TBCD: variants seen among roughly 807,000 people sequenced by gnomAD.
TBCD encodes tubulin-specific chaperone D.
TBCD carries 105 observed loss-of-function variants against 169.3 expected under a neutral mutation model. The ratio of observed to expected loss-of-function variants is 0.62; its 90% CI spans 0.53 to 0.73. The LOEUF is 0.73. Ranked by LOEUF, TBCD falls within the 30% of genes least tolerant of loss-of-function variation. TBCD has a pLI of 0.00. For synonymous variants in TBCD, 700 were observed against 643.9 expected (o/e 1.09, Z -1.32); for missense variants, 1,444 against 1,600.1 (o/e 0.90, Z 1.66).
rs2053614535 is a variant in TBCD, at chr17:82,832,578, G to C, written c.1318+17644G>C. 4 of 852,478 alleles carry C rather than the reference G, an allele frequency of 4.7e-6. No individual in the cohort carries two copies. The highest frequency in any genetic ancestry group is 3.0e-4 in the Middle Eastern group (1 of 3,324). 52.8% of individuals were successfully genotyped at this position (852,478 alleles called of 1,614,324 possible). A position where few individuals can be genotyped will look rare whatever the true frequency, so the allele number is the denominator to read the frequency against. On this transcript the variant is annotated intron_variant, in intron 13 of 38. Transcript: ENST00000355528. The surrounding 1 kb of genome is among the most constrained non-coding windows in gnomAD (Gnocchi z 4.9). ...CTTTCTTTCCCGATCACTTCTATCAGAAGCCAGCTCTGCGTGCTGAGGGTC... is the reference window on the plus strand; with the variant it reads ...CTTTCTTTCCCGATCACTTCTATCACAAGCCAGCTCTGCGTGCTGAGGGTC...
chr17:82,877,867 G>A (rs2058077898), intron 14 of TBCD, among the ~76,000 whole-genome samples: 2 of 152,180 alleles, frequency 1.3e-5, no homozygotes. Flanking sequence ...AAAATGGAGT[G>A]CTTTTCTGTT....
chr17:82,772,652 G>A (rs555628979), intron 6 of TBCD, 145 bp downstream of exon 6: 9 of 847,488 alleles, frequency 1.1e-5, no homozygotes, highest in Middle Eastern at 2.8e-4. Flanking sequence ...CTGAGGGAGT[G>A]TGCAGCAGTG....
intron 23 of TBCD, among the ~76,000 whole-genome samples, chr17:82,919,117 A>G (rs1262702658): frequency 1.5e-5 from 2 of 135,202 alleles, no homozygotes; most frequent in South Asian, 2.2e-4. Context: ...AGAAGTAAAG[A>G]GAAGTAGTTT....
rs1454823972 is a variant in TBCD, at chr17:82,805,910, T to G, written c.986T>G (p.Leu329Arg). Residue 329 changes from leucine to arginine, a missense_variant, in exon 10 of 39, where the codon CTG becomes CGG. Coordinates refer to ENST00000355528, the MANE Select transcript of TBCD (RefSeq NM_005993.5). ...QRGCRSLAAN[L>R]QLLTQGQSEQ... ...GGCTGCCGATCTTTGGCTGCAAATC[T>G]GCAGCTCCTCACTCAGGGTCAGAGT... 1.2e-6 allele frequency: 2 copies of G among 1,612,136 alleles called. No individual in the cohort carries two copies. Among genetic ancestry groups the G allele is most frequent in the East Asian group, 4.5e-5 (2 of 44,796 alleles).
chr17:82,879,000 A>G (rs1177503063), intron 14 of TBCD, among the ~76,000 whole-genome samples: 3 of 149,492 alleles, frequency 2.0e-5, no homozygotes, highest in Non-Finnish European at 4.4e-5. Context: ...TGTTGCTCAA[A>G]TTGCTCCAGC....
Position 82,837,600 on chromosome 17 carries a change from CT to C in TBCD, c.1318+22667del, listed in dbSNP as rs554465548. 8.5e-5 allele frequency among the ~76,000 whole-genome samples: 13 copies of C among 152,304 alleles called. No individual in the cohort carries two copies. In the East Asian group the frequency reaches 2.3e-3, roughly 27 times the overall value. ...TTCATTATCTGCTTTCATTTGAGAA[CT>C]GCAGTGCTAGCGTGTTTTACAGTGA... On this transcript the variant is annotated intron_variant, in intron 13 of 38. Coordinates refer to ENST00000355528, the MANE Select transcript of TBCD (RefSeq NM_005993.5).
At position 82,884,064 on chromosome 17, in the gene TBCD, GAA is replaced by G; in HGVS notation, c.1476-79_1476-78del. 7.1e-7 allele frequency: 1 copy of G among 1,401,996 alleles called. No individual in the cohort carries two copies. The highest frequency in any genetic ancestry group is 9.9e-7 in the Non-Finnish European group (1 of 1,014,400). 86.8% of individuals were successfully genotyped at this position (1,401,996 alleles called of 1,614,324 possible). A position where few individuals can be genotyped will look rare whatever the true frequency, so the allele number is the denominator to read the frequency against. The stretch of plus-strand genomic sequence containing the variant: ...CCTCAAGTGGGCCTGAGTCGTGAGA[GAA>G]AGGCTTTCTCATCGATACTGTGTGG... On this transcript the variant is annotated intron_variant, in intron 14 of 38. Transcript: ENST00000355528. The surrounding 1 kb of genome is among the most constrained non-coding windows in gnomAD (Gnocchi z 4.2).
At position 82,832,020 on chromosome 17, in the gene TBCD, G is replaced by A. The variant is rs1249241721; in HGVS notation, c.1318+17086G>A. ...CCAGAGCAGGCTGGGCACCGAGGGC[G>A]GCTTCCGGAGCTGGGCTCTTGCAGG... On this transcript the variant is annotated intron_variant, in intron 13 of 38. Transcript: ENST00000355528. This position sits in a 1 kb window ranked among gnomAD's most constrained non-coding sequence, Gnocchi z 4.9. The A allele has an allele frequency of 3.1e-6, 5 of 1,612,544 alleles. No individual in the cohort carries two copies. Among genetic ancestry groups the A allele is most frequent in the South Asian group, 2.2e-5 (2 of 91,072 alleles).
intron 17 of TBCD, among the ~76,000 whole-genome samples, chr17:82,900,193 C>G (rs899224610): frequency 1.3e-5 from 2 of 152,230 alleles, no homozygotes; most frequent in African/African-American, 4.8e-5. Context: ...TAATTCCCGC[C>G]TCGGTCCTCC....
At chr17:82,786,411 CG>C (rs996093662) in intron 7 of TBCD, among the ~76,000 whole-genome samples, 10 of 152,246 alleles carry the variant, frequency 6.6e-5, no homozygotes, top group African/African-American at 2.4e-4. Flanking sequence ...AGCCCTGCCC[CG>C]AGTGTGGGTG....
At chr17:82,852,250 G>T (rs1158297766) in intron 13 of TBCD, among the ~76,000 whole-genome samples, 1 of 151,582 alleles carries the variant, frequency 6.6e-6, no homozygotes, top group Non-Finnish European at 1.5e-5. Context: ...GGTCCTCTGT[G>T]GTGGCTCCTT....
intron 16 of TBCD, chr17:82,893,337 A>G (rs1416462219): frequency 1.8e-6 from 1 of 561,438 alleles, no homozygotes; most frequent in Non-Finnish European, 3.1e-6. Context: ...TCAATGATTT[A>G]GCGTGGTGTT....
intron 5 of TBCD, among the ~76,000 whole-genome samples, chr17:82,769,907 C>T (rs990198696): frequency 5.9e-5 from 9 of 151,412 alleles, no homozygotes; most frequent in Non-Finnish European, 1.2e-4. Context: ...TTAACCTATA[C>T]GTTGATGATT....
chr17:82,753,615 C>G (rs927225091), intron 1 of TBCD, among the ~76,000 whole-genome samples: 2 of 151,252 alleles, frequency 1.3e-5, no homozygotes, highest in Non-Finnish European at 2.9e-5. Flanking sequence ...CGCCACCACG[C>G]CCGGCTAATT....
In TBCD at chr17:82,920,953, C is replaced by A; in HGVS notation, c.2101+335C>A. On this transcript the variant is annotated intron_variant, in intron 24 of 38. Transcript: ENST00000355528. The surrounding 1 kb of genome is among the most constrained non-coding windows in gnomAD (Gnocchi z 4.1). ...CACCCAGGCCCTCGTGGACCAGGAGCGTGCCGGCCGCCGACACCACGGACC... is the reference window on the plus strand; with the variant it reads ...CACCCAGGCCCTCGTGGACCAGGAGAGTGCCGGCCGCCGACACCACGGACC... 3.0e-6 allele frequency: 1 copy of A among 332,732 alleles called. No individual in the cohort carries two copies. The allele number at this position is 332,732 out of a possible 1,614,324, so 20.6% of individuals were successfully genotyped here.
At position 82,758,456 on chromosome 17, in the gene TBCD, C is replaced by T. The variant is rs375256095; in HGVS notation, c.235+2241C>T. Among the ~76,000 whole-genome samples, 19 of 144,588 alleles carry T rather than the reference C, an allele frequency of 1.3e-4. No individual in the cohort carries two copies. The East Asian group carries it at 2.6e-3, about 20-fold the overall frequency. 94.9% of individuals were successfully genotyped at this position (144,588 alleles called of 152,430 possible). A position where few individuals can be genotyped will look rare whatever the true frequency, so the allele number is the denominator to read the frequency against. ...GTAGAGAAGGGGTCTTGCCGTGTTG[C>T]CCAGGCTGGTCTCATACCTCTGGGT... is the stretch of plus-strand genomic sequence containing the variant. On this transcript the variant is annotated intron_variant, in intron 2 of 38. Transcript: ENST00000355528.
At chr17:82,755,144 T>C (rs951971763) in intron 1 of TBCD, among the ~76,000 whole-genome samples, 61 of 152,226 alleles carry the variant, frequency 4.0e-4, no homozygotes, top group African/African-American at 1.4e-3. Context: ...ATTCAAATAT[T>C]TCACGATTGG....
rs562588487 is a variant in TBCD at position 82,819,655 on chromosome 17, C to T, written c.1318+4721C>T. 2.0e-3 allele frequency among the ~76,000 whole-genome samples: 307 copies of T among 152,300 alleles called. 2 individuals are homozygous for T. Among genetic ancestry groups the T allele is most frequent in the African/African-American group, 7.0e-3 (289 of 41,576 alleles). On this transcript the variant is annotated intron_variant, in intron 13 of 38. Coordinates refer to ENST00000355528, the MANE Select transcript of TBCD (RefSeq NM_005993.5). ...CCATGATCGCAGTGCTGCACTCACG[C>T]GATCCTCCTGCCTCGGCCTGTGGAC...
At chr17:82,921,682 A>G in intron 25 of TBCD, 105 bp downstream of exon 25, 2 of 1,020,920 alleles carry the variant, frequency 2.0e-6, no homozygotes, top group Non-Finnish European at 3.1e-6. Flanking sequence ...CTGTCCCTGC[A>G]GTAGCCTGAT....
Sources: gnomAD v4.1 joint callset for allele counts (sites outside exome capture counted in the v4.1 genomes callset) on GRCh38, gnomAD v4.1.1 for gene constraint, Gnocchi (gnomAD v3.1) non-coding constraint, MANE v1.5 for transcripts, NCBI Gene and HGNC (gene_info 2026-07-23, HGNC 2026-07-21) for gene names.